The following COPS4 variants were observed in gnomAD, a reference collection of about 807,000 sequenced individuals.
COPS4 encodes COP9 signalosome subunit 4, also known as COP9 signalosome complex subunit 4.
Under a neutral mutation model 55.1 loss-of-function variants are expected in COPS4, and 8 were observed. The observed-to-expected ratio is 0.15, with a 90% CI of 0.09 to 0.26. COPS4 has a LOEUF of 0.26. Among genes scored for constraint, COPS4 ranks in the 10% least tolerant of loss-of-function variants. COPS4 has a pLI of 1.00. For missense variants in COPS4, 248 were observed against 484.0 expected, an observed-to-expected ratio of 0.51 and a Z score of 4.58; for synonymous variants, 185 against 165.7, an observed-to-expected ratio of 1.12 and a Z score of -0.90.
chr4:83,063,275 T>C (rs541977528), intron 7 of COPS4, 29 bp downstream of exon 7: 2 of 1,559,600 alleles, frequency 1.3e-6, no homozygotes, highest in East Asian at 4.7e-5. Context: ...GTGTATATGG[T>C]AGTCAATGTT....
chr4:83,065,238 G>A (rs1191472547), intron 7 of COPS4: 2 of 426,486 alleles, frequency 4.7e-6, no homozygotes, highest in East Asian at 7.5e-5. Context: ...ATTTAATTTA[G>A]GTAGTTGGCT....
At position 83,035,311 on chromosome 4, in the gene COPS4, CA is replaced by C. The variant is rs768038017; in HGVS notation, c.74+14del. 6.5e-7 allele frequency: 1 copy of C among 1,540,196 alleles called. No individual in the cohort carries two copies. The highest frequency in any genetic ancestry group is 2.5e-5 in the East Asian group (1 of 40,474). The stretch of plus-strand genomic sequence containing the variant: ...ATCTGGCTGGCAAGTGAGTATTTCC[CA>C]GGAACGCGGGAGTACAGAGGTGGGG... On this transcript the variant is annotated intron_variant, in intron 1 of 9. Coordinates refer to ENST00000264389, the MANE Select transcript of COPS4 (RefSeq NM_016129.3).
chr4:83,066,380 C>A, intron 7 of COPS4, 58 bp from the exon 8 acceptor site: 1 of 779,886 alleles, frequency 1.3e-6, no homozygotes, highest in South Asian at 2.4e-5. Context: ...AAAAATGATG[C>A]ATCTTTTTAG....
At chr4:83,044,778 A>C (rs1049125995) in intron 1 of COPS4, among the ~76,000 whole-genome samples, 1 of 152,122 alleles carries the variant, frequency 6.6e-6, no homozygotes, top group Admixed American at 6.6e-5. Flanking sequence ...CCGTCTTCAA[A>C]AACAACAACA....
At chr4:83,041,166 G>A (rs1290549116) in intron 1 of COPS4, among the ~76,000 whole-genome samples, 9 of 150,906 alleles carry the variant, frequency 6.0e-5, no homozygotes, top group African/African-American at 2.0e-4. Context: ...GGGTTCAAGC[G>A]ATTCTTCTGG....
chr4:83,066,679 A>G, intron 8 of COPS4, 126 bp downstream of exon 8: 1 of 572,716 alleles, frequency 1.7e-6, no homozygotes, highest in Non-Finnish European at 3.1e-6. Context: ...GTTGGAAACA[A>G]CAACAGAATT....
intron 4 of COPS4, among the ~76,000 whole-genome samples, chr4:83,052,159 G>T (rs1560438254): frequency 6.6e-6 from 1 of 152,194 alleles, no homozygotes; most frequent in South Asian, 2.1e-4. Flanking sequence ...GTGAGTATGG[G>T]CTACCCTGTG....
rs772220234 is a variant in COPS4 at position 83,056,922 on chromosome 4, C to T, written c.411-4C>T. 1.9e-6 allele frequency: 3 copies of T among 1,603,094 alleles called. No homozygotes were observed. Among genetic ancestry groups the T allele is most frequent in the Admixed American group, 3.5e-5 (2 of 57,896 alleles). On this transcript the variant is annotated splice_region_variant and splice_polypyrimidine_tract_variant and intron_variant, in intron 4 of 9. Coordinates refer to ENST00000264389, the MANE Select transcript of COPS4 (RefSeq NM_016129.3). ...TCATTATGTGTTTTTCTGTTACATC[C>T]TAGACAGTACAATGTAGATTATAAA...
intron 4 of COPS4, among the ~76,000 whole-genome samples, chr4:83,052,754 T>C (rs544493415): frequency 6.4e-4 from 97 of 152,068 alleles, no homozygotes; most frequent in Admixed American, 1.3e-4. Context: ...GCCTGGCTAA[T>C]TTTTGTATTT....
chr4:83,065,413 G>C (rs534022169), intron 7 of COPS4, among the ~76,000 whole-genome samples: 1 of 152,314 alleles, frequency 6.6e-6, no homozygotes, highest in South Asian at 2.1e-4. Context: ...AAGGTAGACT[G>C]GGAGATAGGA....
At chr4:83,037,015 C>CTTCAGA (rs1730441034) in intron 1 of COPS4, among the ~76,000 whole-genome samples, 2 of 152,184 alleles carry the variant, frequency 1.3e-5, no homozygotes, top group Non-Finnish European at 2.9e-5. Context: ...TGTAAAACAA[C>CTTCAGA]TATGATTTCT....
intron 1 of COPS4, among the ~76,000 whole-genome samples, chr4:83,041,142 A>G (rs1730558442): frequency 1.4e-5 from 2 of 148,100 alleles, no homozygotes; most frequent in Admixed American, 1.4e-4. Context: ...GGCTTACTGC[A>G]ATCTCCACCT....
intron 6 of COPS4, among the ~76,000 whole-genome samples, chr4:83,058,894 T>A (rs935263736): frequency 1.3e-5 from 2 of 152,234 alleles, no homozygotes; most frequent in African/African-American, 2.4e-5. Context: ...CACATTGCCC[T>A]ATACTATTAC....
intron 7 of COPS4, chr4:83,065,184 G>T: frequency 6.5e-6 from 3 of 464,352 alleles, no homozygotes; most frequent in South Asian, 8.2e-5. Flanking sequence ...CTGCTTTTTT[G>T]AACATATTAA....
intron 1 of COPS4, among the ~76,000 whole-genome samples, chr4:83,040,852 C>A (rs1730547145): frequency 6.6e-6 from 1 of 150,666 alleles, no homozygotes; most frequent in Non-Finnish European, 1.5e-5. Context: ...ACCTTTACCA[C>A]CCATTGTGAT....
At chr4:83,045,571 T>G in intron 1 of COPS4, 55 bp from the exon 2 acceptor site, 1 of 1,344,548 alleles carries the variant, frequency 7.4e-7, no homozygotes, top group South Asian at 1.2e-5. Flanking sequence ...CATCAAAGTT[T>G]GCATTAGAAA....
At chr4:83,045,107 T>TTA (rs1730673948) in intron 1 of COPS4, among the ~76,000 whole-genome samples, 3 of 152,236 alleles carry the variant, frequency 2.0e-5, no homozygotes, top group Non-Finnish European at 2.9e-5. Flanking sequence ...CAGTCTTTAA[T>TTA]GTTTGGTTTC....
chr4:83,067,805 T>C (rs1206606081), intron 8 of COPS4, among the ~76,000 whole-genome samples: 2 of 152,202 alleles, frequency 1.3e-5, no homozygotes, highest in East Asian at 1.9e-4. Flanking sequence ...TAAGGTATGA[T>C]CTCTTGCTGA....
At chr4:83,068,976 A>G (rs1169007733) in intron 9 of COPS4, among the ~76,000 whole-genome samples, 1 of 152,102 alleles carries the variant, frequency 6.6e-6, no homozygotes, top group East Asian at 1.9e-4. Flanking sequence ...TCTCAAAAAA[A>G]AAAAAAAAAA....
Sources: gnomAD v4.1 joint callset for allele counts (sites outside exome capture counted in the v4.1 genomes callset) on GRCh38, gnomAD v4.1.1 for gene constraint, MANE v1.5 for transcripts, NCBI Gene and HGNC (gene_info 2026-07-23, HGNC 2026-07-21) for gene names.